The following RIC8B variants were observed in gnomAD, a reference collection of about 807,000 sequenced individuals.
RIC8B encodes the protein RIC8 guanine nucleotide exchange factor B, also known as chaperone Ric-8B.
A neutral mutation model predicts 57.5 loss-of-function variants in RIC8B; 16 were observed. That is an observed-to-expected ratio of 0.28 (90% CI 0.19 to 0.42). The LOEUF is 0.42. RIC8B is among the 10% of genes least tolerant of loss of function. The pLI is 1.00. For synonymous variants in RIC8B, 216 were observed against 250.8 expected (o/e 0.86, Z 1.31); for missense variants, 481 against 677.0 (o/e 0.71, Z 3.21).
chr12:106,885,704 T>C (rs1951150491), intron 9 of RIC8B, among the ~76,000 whole-genome samples, 200 bp from the exon 10 acceptor site: 1 of 152,168 alleles, frequency 6.6e-6, no homozygotes, highest in South Asian at 2.1e-4. Flanking sequence ...ATGAAGTCTT[T>C]TATCTCCCTC....
chr12:106,862,074 TCAACAGC>T (rs1949965886), intron 8 of RIC8B, among the ~76,000 whole-genome samples: 1 of 152,078 alleles, frequency 6.6e-6, no homozygotes, highest in Non-Finnish European at 1.5e-5. Context: ...TCTGTTGAAA[TCAACAGC>T]CATGATTAGT....
chr12:106,867,207 T>A lies in RIC8B; in HGVS notation c.1452-3616T>A, dbSNP rs188744902. Among the ~76,000 whole-genome samples, 67 of 151,310 alleles carry A rather than the reference T, an allele frequency of 4.4e-4. No individual in the cohort carries two copies. Among genetic ancestry groups the A allele is most frequent in the Non-Finnish European group, 6.6e-4 (45 of 68,034 alleles). On this transcript the variant is annotated intron_variant, in intron 8 of 9. Coordinates refer to ENST00000392837, the MANE Select transcript of RIC8B (RefSeq NM_001330145.2). The surrounding 1 kb of genome is among the most constrained non-coding windows in gnomAD (Gnocchi z 4.3). ...TTCAGGTTTTATACCTGTGTTCATT[T>A]GTCCATACCTTTTTAGTGTGTCTTA...
chr12:106,877,826 T>G (rs1459914930), intron 9 of RIC8B, among the ~76,000 whole-genome samples: 1 of 152,168 alleles, frequency 6.6e-6, no homozygotes, highest in Admixed American at 6.6e-5. Context: ...GCAATTTTTT[T>G]TAAGCTCACC....
intron 2 of RIC8B, among the ~76,000 whole-genome samples, chr12:106,802,061 A>G (rs1284343956): frequency 1.3e-5 from 2 of 152,232 alleles, no homozygotes; most frequent in African/African-American, 4.8e-5. Context: ...GAGTGTAGAC[A>G]TAACCTTGAG....
chr12:106,809,634 A>C (rs1398866301), intron 2 of RIC8B, among the ~76,000 whole-genome samples: 1 of 152,104 alleles, frequency 6.6e-6, no homozygotes, highest in Admixed American at 6.5e-5. Flanking sequence ...AGCAAAAAAT[A>C]TTACAGGTTA....
At position 106,887,490 on chromosome 12, in the gene RIC8B, C is replaced by A. The variant is rs1231853978; in HGVS notation, c.*1475C>A. The A allele has an allele frequency of 1.3e-5, 2 of 152,172 alleles. No homozygotes were observed. The highest frequency in any genetic ancestry group is 1.3e-4 in the Admixed American group (2 of 15,282). 9.4% of individuals were successfully genotyped at this position (152,172 alleles called of 1,614,324 possible). A position where few individuals can be genotyped will look rare whatever the true frequency, so the allele number is the denominator to read the frequency against. Reference sequence around the variant, plus strand: ...AAAGCAAAAAAATCAGGAATTACGTCTTAAAGGCCTTTCAGCTGCCAGAGG... The same window carrying A: ...AAAGCAAAAAAATCAGGAATTACGTATTAAAGGCCTTTCAGCTGCCAGAGG... On this transcript the variant is annotated 3_prime_UTR_variant, in exon 10 of 10. Coordinates refer to ENST00000392837, the MANE Select transcript of RIC8B (RefSeq NM_001330145.2).
chr12:106,869,911 C>T (rs536226170), intron 8 of RIC8B, among the ~76,000 whole-genome samples: 10 of 152,270 alleles, frequency 6.6e-5, no homozygotes, highest in East Asian at 1.9e-4. Context: ...TGCACTCCAA[C>T]GTGGGTGACA....
intron 3 of RIC8B, among the ~76,000 whole-genome samples, chr12:106,817,697 C>T (rs1255318202): frequency 6.6e-6 from 1 of 151,836 alleles, no homozygotes; most frequent in East Asian, 1.9e-4. Context: ...TGGTCACGGG[C>T]GCCTGTAGTC....
intron 8 of RIC8B, among the ~76,000 whole-genome samples, chr12:106,869,768 G>A (rs1303894426): frequency 1.3e-5 from 2 of 151,948 alleles, no homozygotes; most frequent in South Asian, 2.1e-4. Context: ...GTGAAACCCC[G>A]TCTCTACTAA....
chr12:106,849,068 A>G (rs574844071), intron 6 of RIC8B, among the ~76,000 whole-genome samples: 16 of 152,222 alleles, frequency 1.1e-4, no homozygotes, highest in Non-Finnish European at 2.1e-4. Context: ...TGATAGCACA[A>G]CAGGGTGATG....
intron 2 of RIC8B, among the ~76,000 whole-genome samples, chr12:106,812,656 G>A (rs1054080111): frequency 1.3e-5 from 2 of 151,350 alleles, no homozygotes; most frequent in African/African-American, 4.8e-5. Context: ...TCCACCCCCA[G>A]GAATATACCA....
chr12:106,830,932 T>G (rs2046328378), intron 4 of RIC8B, among the ~76,000 whole-genome samples: 1 of 152,206 alleles, frequency 6.6e-6, no homozygotes, highest in Non-Finnish European at 1.5e-5. Flanking sequence ...TAATTGCTAA[T>G]AGAATTCAAA....
chr12:106,837,601 A>G (rs1018454852), intron 4 of RIC8B, among the ~76,000 whole-genome samples: 38 of 149,868 alleles, frequency 2.5e-4, no homozygotes, highest in Non-Finnish European at 3.0e-5. Flanking sequence ...ATTGAGTTAG[A>G]TTAAATAAAA....
At chr12:106,829,136 T>C (rs1472882420) in intron 4 of RIC8B, among the ~76,000 whole-genome samples, 3 of 152,220 alleles carry the variant, frequency 2.0e-5, no homozygotes, top group Non-Finnish European at 4.4e-5. Context: ...TTTTAAAATC[T>C]ATTCTTTCAT....
chr12:106,834,231 T>C (rs1287413418), intron 4 of RIC8B, among the ~76,000 whole-genome samples: 1 of 152,238 alleles, frequency 6.6e-6, no homozygotes, highest in Non-Finnish European at 1.5e-5. Context: ...GTCAGATCTG[T>C]TTGGATTGTC....
At chr12:106,819,256 A>G (rs1287950331) in intron 3 of RIC8B, among the ~76,000 whole-genome samples, 4 of 152,280 alleles carry the variant, frequency 2.6e-5, no homozygotes, top group Middle Eastern at 3.4e-3. Context: ...GTAATTGGAC[A>G]GTGCTCCAAG....
intron 4 of RIC8B, among the ~76,000 whole-genome samples, chr12:106,833,515 C>T (rs971090749): frequency 3.3e-5 from 5 of 152,072 alleles, no homozygotes; most frequent in South Asian, 4.1e-4. Flanking sequence ...GCAGGAGAAT[C>T]GTTTGAACCT....
At chr12:106,882,140 C>T (rs73383121) in intron 9 of RIC8B, among the ~76,000 whole-genome samples, 1,602 of 152,208 alleles carry the variant, frequency 0.011, 17 homozygotes, top group African/African-American at 0.036. Context: ...CCACTTAATC[C>T]CTAACTAGCA....
intron 3 of RIC8B, among the ~76,000 whole-genome samples, chr12:106,818,078 T>C (rs1360868345): frequency 6.6e-6 from 1 of 152,200 alleles, no homozygotes; most frequent in African/African-American, 2.4e-5. Context: ...GAAAATAATA[T>C]ATGCTCATTG....
Sources: allele counts gnomAD v4.1 joint callset (sites outside exome capture counted in the v4.1 genomes callset), GRCh38; gene constraint gnomAD v4.1.1; non-coding constraint Gnocchi (gnomAD v3.1); transcripts MANE v1.5; gene names NCBI Gene and HGNC (gene_info 2026-07-23, HGNC 2026-07-21).